CIMIP1: variants seen among roughly 807,000 people sequenced by gnomAD.
CIMIP1 encodes the protein ciliary microtubule inner protein 1.
the CIMIP1 span, chr20:58,161,100 T>TAA: frequency 3.9e-6 from 1 of 253,644 alleles, no homozygotes; most frequent in Non-Finnish European, 7.4e-6. Context: ...TGCAGGGCTT[T>TAA]AAAAAAAAAT....
At chr20:58,160,802 C>CGT in the CIMIP1 span, 1 of 1,612,822 alleles carries the variant, frequency 6.2e-7, no homozygotes, top group African/African-American at 1.3e-5. Flanking sequence ...GCTGTGCTGG[C>CGT]CCAAGCAGGG....
the CIMIP1 span, chr20:58,160,707 G>T: frequency 6.2e-7 from 1 of 1,614,084 alleles, no homozygotes; most frequent in Non-Finnish European, 8.5e-7. Context: ...GGCTTCATCG[G>T]CTGGAGATCT....
At chr20:58,153,413 G>C in the CIMIP1 span, 1 of 688,988 alleles carries the variant, frequency 1.5e-6, no homozygotes, top group South Asian at 1.8e-5. Flanking sequence ...TTCTCACGCT[G>C]TCTGGCTCCT....
chr20:58,159,946 A>G, the CIMIP1 span, among the ~76,000 whole-genome samples: 2 of 152,302 alleles, frequency 1.3e-5, no homozygotes, highest in East Asian at 3.9e-4. Context: ...CCATTAGTAA[A>G]AGTGAACTCA....
chr20:58,153,766 C>T, the CIMIP1 span: 2 of 655,246 alleles, frequency 3.1e-6, no homozygotes, highest in Admixed American at 2.9e-5. Context: ...CCAGAAGGTT[C>T]CCGCCTTTCA....
chr20:58,160,665 T>C, the CIMIP1 span: 1 of 1,613,308 alleles, frequency 6.2e-7, no homozygotes, highest in Non-Finnish European at 8.5e-7. Flanking sequence ...TTCCAGGTCT[T>C]TCCATCCCCC....
the CIMIP1 span, among the ~76,000 whole-genome samples, chr20:58,157,702 G>A: frequency 3.0e-4 from 45 of 152,264 alleles, 2 homozygotes; most frequent in African/African-American, 6.7e-4. Flanking sequence ...GAGAATAATC[G>A]TGCAAGGAAC....
At chr20:58,153,657 C>T in the CIMIP1 span, 1 of 1,378,464 alleles carries the variant, frequency 7.3e-7, no homozygotes, top group Non-Finnish European at 1.0e-6. Flanking sequence ...CCCAAGGTTA[C>T]AGAATCAATC....
the CIMIP1 span, among the ~76,000 whole-genome samples, chr20:58,151,200 G>A: frequency 6.6e-6 from 1 of 152,182 alleles, no homozygotes; most frequent in Non-Finnish European, 1.5e-5. Context: ...AGGGGTCAAT[G>A]TTAGGGACAT....
the CIMIP1 span, chr20:58,150,945 G>C: frequency 6.3e-7 from 1 of 1,593,356 alleles, no homozygotes; most frequent in Non-Finnish European, 8.5e-7. Context: ...CTTGCGGGGC[G>C]CACAGAGCCC....
chr20:58,158,278 G>A, the CIMIP1 span, among the ~76,000 whole-genome samples: 5 of 152,326 alleles, frequency 3.3e-5, no homozygotes, highest in East Asian at 9.7e-4. Context: ...GGGGTGGCAG[G>A]GGTAAGGACA....
the CIMIP1 span, among the ~76,000 whole-genome samples, chr20:58,156,548 C>T: frequency 6.6e-6 from 1 of 152,124 alleles, no homozygotes; most frequent in East Asian, 1.9e-4. Flanking sequence ...TTAGAGAAGC[C>T]GCTGGAGGGT....
the CIMIP1 span, among the ~76,000 whole-genome samples, chr20:58,158,925 CCTCTTTT>C: frequency 6.6e-6 from 1 of 152,122 alleles, no homozygotes; most frequent in African/African-American, 2.4e-5. Context: ...GTTTTGTGCA[CCTCTTTT>C]CTCTTAGAAG....
At chr20:58,155,491 C>T in the CIMIP1 span, 6 of 1,613,924 alleles carry the variant, frequency 3.7e-6, no homozygotes, top group Non-Finnish European at 5.1e-6. Flanking sequence ...AAGAAGATCT[C>T]CCCACCCCAA....
chr20:58,159,183 C>CTTTTTTTTTTTT, the CIMIP1 span, among the ~76,000 whole-genome samples: 35 of 104,068 alleles, frequency 3.4e-4, no homozygotes, highest in African/African-American at 4.9e-4. Context: ...GCACTTTCTT[C>CTTTTTTTTTTTT]TTTTTTTTTT....
chr20:58,153,859 CG>C, the CIMIP1 span, among the ~76,000 whole-genome samples: 2 of 152,168 alleles, frequency 1.3e-5, no homozygotes, highest in African/African-American at 4.8e-5. Context: ...ACAAGAACCC[CG>C]GTGCAGAGAC....
At chr20:58,153,328 G>A in the CIMIP1 span, among the ~76,000 whole-genome samples, 3 of 152,130 alleles carry the variant, frequency 2.0e-5, no homozygotes, top group African/African-American at 4.8e-5. Flanking sequence ...CCTCTCAGCC[G>A]TAACAGCCAA....
At chr20:58,152,722 C>CAAAA in the CIMIP1 span, among the ~76,000 whole-genome samples, 3 of 84,864 alleles carry the variant, frequency 3.5e-5, no homozygotes, top group Non-Finnish European at 4.6e-5. Context: ...GAAACTCCAT[C>CAAAA]AAAAAAAAAA....
At chr20:58,158,298 A>T in the CIMIP1 span, among the ~76,000 whole-genome samples, 2 of 152,190 alleles carry the variant, frequency 1.3e-5, no homozygotes, top group Non-Finnish European at 2.9e-5. Context: ...AAGAACCTTG[A>T]TTCAGGCGAG....
Sources: gnomAD v4.1 joint callset for allele counts (sites outside exome capture counted in the v4.1 genomes callset) on GRCh38, gnomAD v4.1.1 for gene constraint, MANE v1.5 for transcripts, NCBI Gene and HGNC (gene_info 2026-07-23, HGNC 2026-07-21) for gene names.